The following NEK11 variants were observed in gnomAD, a reference collection of about 807,000 sequenced individuals.
The protein encoded by NEK11 is serine/threonine-protein kinase Nek11.
A neutral mutation model predicts 80.7 loss-of-function variants in NEK11; 72 were observed. The ratio of observed to expected loss-of-function variants is 0.89; its 90% confidence interval spans 0.74 to 1.08. NEK11 has a LOEUF of 1.08. Among genes scored for constraint, NEK11 ranks in the 50% least tolerant of loss-of-function variants. NEK11 has a pLI of 0.00. For missense variants in NEK11, 764 were observed against 763.6 expected, an observed-to-expected ratio of 1.00 and a Z score of -0.01; for synonymous variants, 251 against 260.7, an observed-to-expected ratio of 0.96 and a Z score of 0.36.
intron 5 of NEK11, among the ~76,000 whole-genome samples, chr3:131,113,777 C>T (rs533785988): frequency 6.6e-5 from 10 of 151,636 alleles, no homozygotes; most frequent in South Asian, 2.1e-4. Context: ...CGAGGCATGG[C>T]GGCAGGCACC....
intron 11 of NEK11, 105 bp downstream of exon 11, chr3:131,162,632 A>T (rs1275338763): frequency 7.9e-7 from 1 of 1,261,594 alleles, no homozygotes; most frequent in Non-Finnish European, 1.1e-6. Flanking sequence ...CCCAATGCAT[A>T]CGATTATGTA....
chr3:131,043,002 C>T (rs1412596606), intron 3 of NEK11, among the ~76,000 whole-genome samples: 1 of 152,160 alleles, frequency 6.6e-6, no homozygotes, highest in Non-Finnish European at 1.5e-5. Context: ...AAAATACCAG[C>T]AGACCTGCAG....
intron 17 of NEK11, among the ~76,000 whole-genome samples, chr3:131,313,690 T>A (rs2096804581): frequency 6.6e-6 from 1 of 152,240 alleles, no homozygotes; most frequent in Non-Finnish European, 1.5e-5. Context: ...ATGTTCATAT[T>A]ACCATGTCTC....
chr3:131,064,574 T>A (rs994035151), intron 3 of NEK11, among the ~76,000 whole-genome samples: 1 of 152,148 alleles, frequency 6.6e-6, no homozygotes, highest in Non-Finnish European at 1.5e-5. Context: ...GACCAACATA[T>A]GAATTTTAGG....
intron 7 of NEK11, among the ~76,000 whole-genome samples, chr3:131,135,602 T>C (rs1035466620): frequency 6.6e-6 from 1 of 152,174 alleles, no homozygotes. Context: ...GTTTGAGAAA[T>C]CAATTTTGGG....
At chr3:131,102,640 A>G (rs1013714537) in intron 4 of NEK11, among the ~76,000 whole-genome samples, 1 of 152,112 alleles carries the variant, frequency 6.6e-6, no homozygotes, top group African/African-American at 2.4e-5. Flanking sequence ...GAATCTGATG[A>G]CTATGTGCCT....
chr3:131,175,564 A>C (rs2092957855), intron 14 of NEK11, among the ~76,000 whole-genome samples: 1 of 152,202 alleles, frequency 6.6e-6, no homozygotes, highest in Non-Finnish European at 1.5e-5. Context: ...CTATAGTAAT[A>C]GAAATTAGGC....
chr3:131,201,534 G>A (rs1427265797), intron 14 of NEK11, among the ~76,000 whole-genome samples: 1 of 152,100 alleles, frequency 6.6e-6, no homozygotes, highest in African/African-American at 2.4e-5. Context: ...ACAGAAATGT[G>A]CCTCTCCTTT....
chr3:131,243,348 G>C, intron 15 of NEK11, 88 bp from the exon 16 acceptor site: 1 of 1,216,042 alleles, frequency 8.2e-7, no homozygotes, highest in East Asian at 2.5e-5. Context: ...TTTTTTTTTC[G>C]CCTAAATGTA....
rs1436942289 is a variant in NEK11, at chr3:131,344,845, G to A, written c.1719-4712G>A. On this transcript the variant is annotated intron_variant, in intron 17 of 17. Transcript: ENST00000383366. ...GAATTCATTCCCTATCACAAGGACA[G>A]CACCAAGCCATGAGGGAACAGCTCC... Among the ~76,000 whole-genome samples, 4 of 152,216 alleles carry A rather than the reference G, an allele frequency of 2.6e-5. No individual in the cohort carries two copies. In the East Asian group the frequency reaches 7.7e-4, roughly 29 times the overall value.
At chr3:131,107,925 C>T (rs1000695085) in intron 4 of NEK11, among the ~76,000 whole-genome samples, 4 of 151,890 alleles carry the variant, frequency 2.6e-5, no homozygotes, top group African/African-American at 9.7e-5. Context: ...TTGTATGGCT[C>T]AACAGAATTC....
intron 17 of NEK11, among the ~76,000 whole-genome samples, chr3:131,333,725 C>A (rs2110125631): frequency 6.6e-6 from 1 of 152,340 alleles, no homozygotes; most frequent in East Asian, 1.9e-4. Flanking sequence ...GGAAACCCAT[C>A]TCATGTGCTG....
At chr3:131,172,082 T>C (rs934378487) in intron 14 of NEK11, among the ~76,000 whole-genome samples, 7 of 152,192 alleles carry the variant, frequency 4.6e-5, no homozygotes, top group Non-Finnish European at 7.4e-5. Context: ...CCTCTGCAGT[T>C]AGAGGTAGCA....
chr3:131,054,257 G>C (rs766403256), intron 3 of NEK11, among the ~76,000 whole-genome samples: 1 of 152,198 alleles, frequency 6.6e-6, no homozygotes, highest in Non-Finnish European at 1.5e-5. Context: ...ATTAAGCTTA[G>C]GAGGCAGAGG....
chr3:131,206,863 G>A (rs1186678482), intron 14 of NEK11, among the ~76,000 whole-genome samples: 1 of 152,024 alleles, frequency 6.6e-6, no homozygotes, highest in Non-Finnish European at 1.5e-5. Flanking sequence ...GCCCCACCCT[G>A]TGTCTAAGTG....
intron 3 of NEK11, among the ~76,000 whole-genome samples, chr3:131,037,361 G>A (rs931138410): frequency 2.0e-5 from 3 of 150,338 alleles, no homozygotes; most frequent in Admixed American, 1.3e-4. Flanking sequence ...TCAGCTCACT[G>A]CAGCCTCCAT....
At chr3:131,224,645 T>C (rs915708697) in intron 14 of NEK11, among the ~76,000 whole-genome samples, 2 of 152,168 alleles carry the variant, frequency 1.3e-5, no homozygotes, top group African/African-American at 2.4e-5. Context: ...GGCACTGTTA[T>C]CACAGTAGAT....
chr3:131,060,336 T>C (rs2070619022), intron 3 of NEK11, among the ~76,000 whole-genome samples: 2 of 152,198 alleles, frequency 1.3e-5, no homozygotes, highest in African/African-American at 4.8e-5. Context: ...TGAGAGAAAA[T>C]ATGCTTGGTC....
intron 15 of NEK11, 121 bp from the exon 16 acceptor site, chr3:131,243,315 A>T (rs2095546207): frequency 1.3e-6 from 1 of 741,232 alleles, no homozygotes; most frequent in African/African-American, 1.8e-5. Flanking sequence ...ATAGGATTAT[A>T]CTGAAATAAT....
Sources: allele counts gnomAD v4.1 joint callset (sites outside exome capture counted in the v4.1 genomes callset), GRCh38; gene constraint gnomAD v4.1.1; transcripts MANE v1.5; gene names NCBI Gene and HGNC (gene_info 2026-07-23, HGNC 2026-07-21).